The following LGALS9 variants were observed in gnomAD, a reference collection of about 807,000 sequenced individuals.
The protein encoded by LGALS9 is galectin 9.
A neutral mutation model predicts 35.9 loss-of-function variants in LGALS9; 26 were observed. That is an observed-to-expected ratio of 0.72 (90% CI 0.53 to 1.01). The LOEUF is 1.01. Ranked by LOEUF, LGALS9 falls within the 50% of genes least tolerant of loss-of-function variation. The probability of loss-of-function intolerance (pLI) is 0.00; values close to 1 mark genes in which losing one functional copy is unlikely to be tolerated. For synonymous variants in LGALS9, 149 were observed against 172.2 expected, an observed-to-expected ratio of 0.87 and a Z score of 1.06; for missense variants, 347 against 445.8, an observed-to-expected ratio of 0.78 and a Z score of 1.99.
intron 3 of LGALS9, 110 bp downstream of exon 3, chr17:27,640,883 A>G: frequency 6.7e-7 from 1 of 1,484,180 alleles, no homozygotes; most frequent in Admixed American, 1.9e-5. Context: ...TGACACCACT[A>G]TACAGATAAC....
intron 5 of LGALS9, chr17:27,644,079 C>G (rs1323883258): frequency 6.3e-6 from 1 of 158,062 alleles, no homozygotes; most frequent in Non-Finnish European, 1.4e-5. Context: ...AATCCACGTC[C>G]CTGCCTCACC....
intron 1 of LGALS9, 83 bp downstream of exon 1, chr17:27,631,387 G>A: frequency 1.3e-6 from 2 of 1,586,328 alleles, no homozygotes; most frequent in Non-Finnish European, 1.7e-6. Flanking sequence ...CTCCTGGGTG[G>A]CAGGGGATGG....
At chr17:27,631,641 G>A (rs987535157) in intron 1 of LGALS9, among the ~76,000 whole-genome samples, 6 of 152,152 alleles carry the variant, frequency 3.9e-5, no homozygotes, top group Non-Finnish European at 8.8e-5. Context: ...CAGTAAGGAC[G>A]CTACCCGGCA....
chr17:27,640,700 G>A lies in LGALS9; in HGVS notation c.260G>A (p.Arg87Lys), dbSNP rs868389928. 1.2e-6 allele frequency: 2 copies of A among 1,614,210 alleles called. No homozygotes were observed. Among genetic ancestry groups the A allele is most frequent in the Non-Finnish European group, 8.5e-7 (1 of 1,180,036 alleles). Residue 87 changes from arginine to lysine, a missense_variant, in exon 3 of 11, where the codon AGG (arginine) becomes AAG (lysine). By Grantham distance (26) the Arg-to-Lys change is conservative (BLOSUM62 2). Coordinates refer to ENST00000395473, the MANE Select transcript of LGALS9 (RefSeq NM_009587.3). ...RQNGSWGPEE[R>K]KTHMPFQKGM... ...AACGGAAGCTGGGGGCCCGAGGAGA[G>A]GAAGACACACATGCCTTTCCAGAAG...
rs751255766 is a variant in LGALS9, at chr17:27,643,553, C to A, written c.473C>A (p.Ala158Asp). The A allele has an allele frequency of 6.2e-7, 1 of 1,611,928 alleles. No homozygotes were observed. Residue 158 changes from alanine (A) to aspartate (D), a missense_variant, in exon 5 of 11, where the codon GCC becomes GAC. Physicochemically the swap from Ala to Asp is moderately radical, Grantham distance 126. Transcript: ENST00000395473. ...QNPRTVPVQP[A>D]FSTVPFSQPV... Reference sequence around the variant, plus strand: ...CCCCGCACAGTCCCTGTTCAGCCTGCCTTCTCCACGGTGCCGTTCTCCCAG... The same window carrying A: ...CCCCGCACAGTCCCTGTTCAGCCTGACTTCTCCACGGTGCCGTTCTCCCAG...
chr17:27,632,540 G>C (rs2074403294), intron 1 of LGALS9, among the ~76,000 whole-genome samples: 4 of 152,228 alleles, frequency 2.6e-5, no homozygotes, highest in African/African-American at 9.6e-5. Context: ...GAGGGGGCTG[G>C]GGGAAGCTGG....
rs61736863 is a variant in LGALS9 at position 27,647,035 on chromosome 17, G to T, written c.675G>T (p.Met225Ile). The T allele has an allele frequency of 4.6e-3, 7,380 of 1,613,988 alleles. 99 individuals carry two copies. The highest frequency in any genetic ancestry group is 0.031 in the South Asian group (2,815 of 91,070). Residue 225 changes from methionine (M) to isoleucine (I), a missense_variant, in exon 9 of 11, where the codon ATG becomes ATT. Physicochemically the swap from Met to Ile is conservative, Grantham distance 10 (BLOSUM62 1). Coordinates refer to ENST00000395473, the MANE Select transcript of LGALS9 (RefSeq NM_009587.3). ...PMMYPHPAYP[M>I]PFITTILGGL... ...TGTCCCCCTTCTTCCGACAGCCGAT[G>T]CCTTTCATCACCACCATTCTGGGAG...
At position 27,649,070 on chromosome 17, in the gene LGALS9, A is replaced by C. The variant is rs1033161240; in HGVS notation, c.*88A>C. 3 of 1,588,156 alleles carry C rather than the reference A, an allele frequency of 1.9e-6. No homozygotes were observed. The highest frequency in any genetic ancestry group is 2.6e-6 in the Non-Finnish European group (3 of 1,163,160). On this transcript the variant is annotated 3_prime_UTR_variant, in exon 11 of 11. Coordinates refer to ENST00000395473, the MANE Select transcript of LGALS9 (RefSeq NM_009587.3). The stretch of plus-strand genomic sequence containing the variant: ...CCCACTTCCCAGGCCCAGCCTTTCC[A>C]ACCCTGCCTGGGATCTGGGCTTTAA...
At chr17:27,648,666 GCAC>G (rs1459300486) in intron 10 of LGALS9, among the ~76,000 whole-genome samples, 167 bp from the exon 11 acceptor site, 1 of 148,344 alleles carries the variant, frequency 6.7e-6, no homozygotes, top group Admixed American at 6.8e-5. Context: ...AGGGGAAAGA[GCAC>G]GCACAGCCTG....
chr17:27,635,331 T>C (rs1482558967), intron 1 of LGALS9, among the ~76,000 whole-genome samples: 1 of 151,960 alleles, frequency 6.6e-6, no homozygotes, highest in Admixed American at 6.6e-5. Flanking sequence ...TCCCAGCTAT[T>C]CGGGAGGTTG....
intron 6 of LGALS9, 192 bp downstream of exon 6, chr17:27,645,541 C>T (rs1172601677): frequency 1.1e-6 from 1 of 902,526 alleles, no homozygotes; most frequent in Non-Finnish European, 1.6e-6. Context: ...GAGTTGCCAC[C>T]CCGTGGGCAG....
Position 27,647,322 on chromosome 17 carries a change from C to T in LGALS9, c.811C>T (p.Arg271Cys), listed in dbSNP as rs529948704. Reference sequence around the variant, plus strand: ...CCACATCGCCTTCCACCTGAACCCCCGTTTTGATGAGAATGCTGTGGTCCG... The same window carrying T: ...CCACATCGCCTTCCACCTGAACCCCTGTTTTGATGAGAATGCTGTGGTCCG... Reference protein sequence around the residue: ...GNHIAFHLNPRFDENAVVRNT... With the variant: ...GNHIAFHLNPCFDENAVVRNT... Residue 271 changes from arginine to cysteine, a missense_variant, in exon 10 of 11, where the codon CGT (arginine) becomes TGT (cysteine). By Grantham distance (180) the Arg-to-Cys change is radical. Coordinates refer to ENST00000395473, the MANE Select transcript of LGALS9 (RefSeq NM_009587.3). 1.9e-6 allele frequency: 3 copies of T among 1,614,168 alleles called. No homozygotes were observed. The highest frequency in any genetic ancestry group is 2.2e-5 in the East Asian group (1 of 44,878).
At chr17:27,638,859 C>G (rs2074484457) in intron 2 of LGALS9, 1 of 228,264 alleles carries the variant, frequency 4.4e-6, no homozygotes, top group Non-Finnish European at 8.7e-6. Flanking sequence ...CCCCCTCCTC[C>G]CTCCCAAGGT....
rs193018030 is a variant in LGALS9, at chr17:27,643,103, C to A, written c.445-422C>A. ...TAAATAAGGTCAGGAGATACCAATA[C>A]CATGTGAAAAATGGGAAGATTAGGG... On this transcript the variant is annotated intron_variant, in intron 4 of 10. Coordinates refer to ENST00000395473, the MANE Select transcript of LGALS9 (RefSeq NM_009587.3). Among the ~76,000 whole-genome samples the A allele has an allele frequency of 1.5e-4, 23 of 152,288 alleles. No homozygotes were observed. The East Asian group carries it at 4.4e-3, about 29-fold the overall frequency.
At chr17:27,639,755 T>C (rs1904336261) in intron 2 of LGALS9, among the ~76,000 whole-genome samples, 1 of 151,984 alleles carries the variant, frequency 6.6e-6, no homozygotes. Context: ...ATTATTATTT[T>C]GAGATGGAGT....
intron 2 of LGALS9, 95 bp from the exon 3 acceptor site, chr17:27,640,477 C>T: frequency 6.4e-7 from 1 of 1,560,424 alleles, no homozygotes; most frequent in Non-Finnish European, 8.8e-7. Flanking sequence ...GTGCAAGATC[C>T]AGACAAATGC....
rs1309127381 is a variant in LGALS9, at chr17:27,645,210, G to T, written c.541-104G>T. Reference sequence around the variant, plus strand: ...CAAGAGGGAGGTGGGTGTGTCCGGGGAGGCATTTCTGAGCACAAGAGCCTC... The same window carrying T: ...CAAGAGGGAGGTGGGTGTGTCCGGGTAGGCATTTCTGAGCACAAGAGCCTC... On this transcript the variant is annotated intron_variant, in intron 5 of 10. Coordinates refer to ENST00000395473, the MANE Select transcript of LGALS9 (RefSeq NM_009587.3). 3 of 1,591,906 alleles carry T rather than the reference G, an allele frequency of 1.9e-6. No homozygotes were observed. The East Asian group carries it at 6.7e-5, about 36-fold the overall frequency.
intron 3 of LGALS9, among the ~76,000 whole-genome samples, chr17:27,641,531 C>G (rs946850382): frequency 6.6e-6 from 1 of 152,092 alleles, no homozygotes; most frequent in Non-Finnish European, 1.5e-5. Flanking sequence ...TGGGCCTGGT[C>G]GGAGAGGGAG....
At chr17:27,641,013 T>A (rs1324664317) in intron 3 of LGALS9, 2 of 727,210 alleles carry the variant, frequency 2.8e-6, no homozygotes, top group Admixed American at 2.0e-5. Flanking sequence ...AGAGGAGTCA[T>A]CACGTTGCTA....
Sources: gnomAD v4.1 joint callset for allele counts (sites outside exome capture counted in the v4.1 genomes callset) on GRCh38, gnomAD v4.1.1 for gene constraint, MANE v1.5 for transcripts, NCBI Gene and HGNC (gene_info 2026-07-23, HGNC 2026-07-21) for gene names.